The following TEAD4 variants were observed in gnomAD, a reference collection of about 807,000 sequenced individuals.
TEAD4 encodes TEA domain transcription factor 4.
Under a neutral mutation model 52.4 loss-of-function variants are expected in TEAD4, and 36 were observed. That is an observed-to-expected ratio of 0.69 (90% CI 0.53 to 0.91). The LOEUF (loss-of-function observed/expected upper bound fraction) is 0.91, where lower values mean the gene tolerates loss of function less well. TEAD4 is among the 40% of genes least tolerant of loss of function. The pLI is 0.00. For synonymous variants in TEAD4, 220 were observed against 231.0 expected (o/e 0.95, Z 0.43); for missense variants, 508 against 583.9 (o/e 0.87, Z 1.34).
intron 2 of TEAD4, among the ~76,000 whole-genome samples, chr12:2,981,298 A>G (rs1276906183): frequency 1.3e-5 from 2 of 152,214 alleles, no homozygotes; most frequent in South Asian, 2.1e-4. Context: ...CCTGCAGGAT[A>G]GGTTCTTCTT....
intron 5 of TEAD4, among the ~76,000 whole-genome samples, chr12:3,016,403 GAAT>G (rs1232900100): frequency 6.6e-6 from 1 of 152,160 alleles, no homozygotes; most frequent in Non-Finnish European, 1.5e-5. Context: ...TGCAGACAGT[GAAT>G]AATACTTGCT....
chr12:3,007,945 C>A (rs1004016175), intron 3 of TEAD4, among the ~76,000 whole-genome samples: 1 of 152,146 alleles, frequency 6.6e-6, no homozygotes, highest in African/African-American at 2.4e-5. Context: ...AGTTACGGGA[C>A]ATCTGACCAG....
At position 2,986,102 on chromosome 12, in the gene TEAD4, A is replaced by G. The variant is rs544079854; in HGVS notation, c.-29-8636A>G. ...ACTCCATCTCAAAAAAATAAAAACT[A>G]AAAAAAAATAATAAAAACAGAGACA... On this transcript the variant is annotated intron_variant, in intron 2 of 12. Transcript: ENST00000359864. 1.7e-3 allele frequency among the ~76,000 whole-genome samples: 261 copies of G among 150,586 alleles called. 3 individuals carry two copies. The highest frequency in any genetic ancestry group is 0.014 in the Admixed American group (219 of 15,128).
chr12:3,023,856 A>G (rs376131199), intron 10 of TEAD4, among the ~76,000 whole-genome samples: 33 of 151,424 alleles, frequency 2.2e-4, no homozygotes, highest in African/African-American at 5.8e-4. Flanking sequence ...CCAAATCCCA[A>G]TCCCCAAAGG....
At chr12:2,983,620 TC>T (rs2098235838) in intron 2 of TEAD4, among the ~76,000 whole-genome samples, 1 of 152,190 alleles carries the variant, frequency 6.6e-6, no homozygotes, top group African/African-American at 2.4e-5. Flanking sequence ...ACATCACACT[TC>T]CATTCTACAA....
Position 2,994,924 on chromosome 12 carries a change from A to T in TEAD4, c.158A>T (p.Glu53Val). The change falls in exon 3 of 13, where the codon GAG becomes GTG. Residue 53 changes from glutamate (E) to valine (V), a missense_variant. By Grantham distance (121) the Glu-to-Val change is moderately radical. Transcript: ENST00000359864. This position sits in a 1 kb window ranked among gnomAD's most constrained non-coding sequence, Gnocchi z 4.7. ...CCGGATATTGAGCAGAGTTTCCAGG[A>T]GGCCCTCGCCATCTACCCGCCCTGT... is the stretch of plus-strand genomic sequence containing the variant. 6.2e-7 allele frequency: 1 copy of T among 1,614,186 alleles called. No individual in the cohort carries two copies. Among genetic ancestry groups the T allele is most frequent in the Non-Finnish European group, 8.5e-7 (1 of 1,180,018 alleles).
chr12:2,995,858 A>G (rs896758497), intron 3 of TEAD4, among the ~76,000 whole-genome samples: 3 of 152,028 alleles, frequency 2.0e-5, no homozygotes, highest in African/African-American at 7.2e-5. Context: ...AATAAAAAAA[A>G]TTACCCAGGT....
Position 2,963,428 on chromosome 12 carries a change from C to T in TEAD4, c.-30+3388C>T, listed in dbSNP as rs540656422. On this transcript the variant is annotated intron_variant, in intron 2 of 12. Coordinates refer to ENST00000359864, the MANE Select transcript of TEAD4 (RefSeq NM_003213.4). ...TTACCTTGCCTGTCTTCCTTTGCCC[C>T]CATGACCCTTTGTTGGCCGGGGTTG... is the stretch of plus-strand genomic sequence containing the variant. Among the ~76,000 whole-genome samples the T allele has an allele frequency of 3.9e-5, 6 of 152,298 alleles. No homozygotes were observed. In the East Asian group the frequency reaches 1.2e-3, roughly 29 times the overall value.
chr12:3,010,616 G>A (rs943863442), intron 3 of TEAD4, among the ~76,000 whole-genome samples: 10 of 152,214 alleles, frequency 6.6e-5, no homozygotes, highest in African/African-American at 2.2e-4. Context: ...GCCGAGGGCC[G>A]GGCAGCTCCC....
chr12:2,976,657 C>A (rs12310078), intron 2 of TEAD4, among the ~76,000 whole-genome samples: 1 of 152,022 alleles, frequency 6.6e-6, no homozygotes, highest in African/African-American at 2.4e-5. Flanking sequence ...CCCCTGACGC[C>A]GAAGGGGTTG....
chr12:3,006,893 G>A (rs943056599), intron 3 of TEAD4, among the ~76,000 whole-genome samples: 1 of 151,934 alleles, frequency 6.6e-6, no homozygotes, highest in African/African-American at 2.4e-5. Context: ...AGGTGTGGTG[G>A]TGTGCGCCTG....
rs539013315 is a variant in TEAD4, at chr12:2,997,808, G to T, written c.226+2816G>T. Reference sequence around the variant, plus strand: ...GGGCTTTGAGGACTTGCTTTTTCGGGGGGGGGGTGTGTGTGTGTTAAAAAA... The same window carrying T: ...GGGCTTTGAGGACTTGCTTTTTCGGTGGGGGGGTGTGTGTGTGTTAAAAAA... On this transcript the variant is annotated intron_variant, in intron 3 of 12. Transcript: ENST00000359864. Among the ~76,000 whole-genome samples the T allele has an allele frequency of 7.0e-5, 10 of 142,890 alleles. 1 individual carries two copies. Among genetic ancestry groups the T allele is most frequent in the South Asian group, 2.1e-4 (1 of 4,738 alleles). 93.7% of individuals were successfully genotyped at this position (142,890 alleles called of 152,430 possible). A position where few individuals can be genotyped will look rare whatever the true frequency, so the allele number is the denominator to read the frequency against.
rs2098268077 is a variant in TEAD4 at position 3,020,684 on chromosome 12, C to T, written c.634C>T (p.Pro212Ser). Residue 212 changes from proline (P) to serine (S), a missense_variant, in exon 9 of 13, where the codon CCC (proline) becomes TCC (serine). By Grantham distance (74) the Pro-to-Ser change is moderately conservative. Transcript: ENST00000359864. ...CCCATCGCCCTCTGCGCCCCCGGCA[C>T]CCCCATGGCAGGGCCGCAGCGTGGC... 6.2e-7 allele frequency: 1 copy of T among 1,606,316 alleles called. No homozygotes were observed. Among genetic ancestry groups the T allele is most frequent in the East Asian group, 2.3e-5 (1 of 44,404 alleles).
intron 5 of TEAD4, among the ~76,000 whole-genome samples, chr12:3,016,746 C>T (rs1222751628): frequency 2.6e-5 from 4 of 152,108 alleles, no homozygotes; most frequent in South Asian, 2.1e-4. Flanking sequence ...ATATAACAAA[C>T]GATTACTATT....
intron 3 of TEAD4, among the ~76,000 whole-genome samples, chr12:3,004,316 G>T (rs760373219): frequency 3.0e-4 from 46 of 152,246 alleles, no homozygotes; most frequent in Non-Finnish European, 5.7e-4. Context: ...CACTGGGGCA[G>T]CCTTGGAAAA....
At chr12:3,009,165 C>T (rs533872047) in intron 3 of TEAD4, among the ~76,000 whole-genome samples, 35 of 152,344 alleles carry the variant, frequency 2.3e-4, no homozygotes, top group African/African-American at 7.7e-4. Context: ...CAGTGGCTCA[C>T]GCCTGTAATC....
At chr12:2,974,223 G>C (rs949836182) in intron 2 of TEAD4, among the ~76,000 whole-genome samples, 2 of 152,088 alleles carry the variant, frequency 1.3e-5, no homozygotes, top group African/African-American at 2.4e-5. Flanking sequence ...GGTTGGTCTC[G>C]AACTGTTGAC....
In TEAD4 at chr12:2,994,541, C is replaced by G. The variant is rs1409857216; in HGVS notation, c.-29-197C>G. Among the ~76,000 whole-genome samples, 1 of 152,180 alleles carries G rather than the reference C, an allele frequency of 6.6e-6. No homozygotes were observed. The highest frequency in any genetic ancestry group is 1.5e-5 in the Non-Finnish European group (1 of 68,036). On this transcript the variant is annotated intron_variant, in intron 2 of 12. Coordinates refer to ENST00000359864, the MANE Select transcript of TEAD4 (RefSeq NM_003213.4). This position sits in a 1 kb window ranked among gnomAD's most constrained non-coding sequence, Gnocchi z 4.7. ...GAGTGCCTAGGTCATTGTGCTCATT[C>G]GACAGATGGGAAGATGAGCTCTCCA...
At chr12:3,014,348 C>G (rs2098262685) in intron 5 of TEAD4, among the ~76,000 whole-genome samples, 1 of 152,236 alleles carries the variant, frequency 6.6e-6, no homozygotes, top group African/African-American at 2.4e-5. Flanking sequence ...TTGTCCTTGT[C>G]CACAGGTTCT....
Sources: allele counts gnomAD v4.1 joint callset (sites outside exome capture counted in the v4.1 genomes callset), GRCh38; gene constraint gnomAD v4.1.1; non-coding constraint Gnocchi (gnomAD v3.1); transcripts MANE v1.5; gene names NCBI Gene and HGNC (gene_info 2026-07-23, HGNC 2026-07-21).